GALNT17: variants seen among roughly 807,000 people sequenced by gnomAD.
GALNT17 encodes the protein polypeptide N-acetylgalactosaminyltransferase 17.
In GALNT17, 29 loss-of-function variants were observed where a neutral mutation model predicts 63.7. That is an observed-to-expected ratio of 0.46 (90% CI 0.34 to 0.62). GALNT17 has a LOEUF of 0.62. GALNT17 is among the 20% of genes least tolerant of loss of function. The pLI is 0.01. For missense variants in GALNT17, 603 were observed against 799.6 expected, an observed-to-expected ratio of 0.75 and a Z score of 2.97; for synonymous variants, 305 against 318.3, an observed-to-expected ratio of 0.96 and a Z score of 0.45.
chr7:71,362,167 A>G (rs983211843), intron 2 of GALNT17, among the ~76,000 whole-genome samples: 1 of 152,154 alleles, frequency 6.6e-6, no homozygotes, highest in Non-Finnish European at 1.5e-5. Flanking sequence ...CATGTTGGCC[A>G]GGCTGGTCTC....
At chr7:71,181,361 A>G (rs1788732557) in intron 1 of GALNT17, among the ~76,000 whole-genome samples, 1 of 152,132 alleles carries the variant, frequency 6.6e-6, no homozygotes, top group Non-Finnish European at 1.5e-5. Flanking sequence ...AGGAACTGAG[A>G]GGAAATAGGA....
chr7:71,705,922 G>A (rs1342704116), intron 9 of GALNT17, among the ~76,000 whole-genome samples: 2 of 152,174 alleles, frequency 1.3e-5, no homozygotes, highest in African/African-American at 4.8e-5. Context: ...AGACGCTCAA[G>A]GAAGGAGCAT....
intron 9 of GALNT17, among the ~76,000 whole-genome samples, chr7:71,694,292 G>C (rs933552994): frequency 6.6e-6 from 1 of 151,974 alleles, no homozygotes; most frequent in Non-Finnish European, 1.5e-5. Flanking sequence ...ATGAGATTTG[G>C]GTGGGGACAG....
chr7:71,709,850 C>T (rs753074645), intron 9 of GALNT17, among the ~76,000 whole-genome samples: 12 of 152,206 alleles, frequency 7.9e-5, no homozygotes, highest in Non-Finnish European at 1.8e-4. Flanking sequence ...CTGCCTGCCT[C>T]AGCCTCCCAA....
chr7:71,516,931 A>G (rs1307041399), intron 5 of GALNT17, among the ~76,000 whole-genome samples: 1 of 152,186 alleles, frequency 6.6e-6, no homozygotes, highest in Admixed American at 6.5e-5. Context: ...CTCAGAGCAC[A>G]CAACACCCTC....
At chr7:71,443,778 G>A (rs1037661014) in intron 5 of GALNT17, among the ~76,000 whole-genome samples, 3 of 151,314 alleles carry the variant, frequency 2.0e-5, no homozygotes, top group Non-Finnish European at 2.9e-5. Context: ...AGGCTGGAGT[G>A]CAGTGGCATG....
chr7:71,332,579 G>T (rs1243871162), intron 1 of GALNT17, among the ~76,000 whole-genome samples: 1 of 152,100 alleles, frequency 6.6e-6, no homozygotes, highest in African/African-American at 2.4e-5. Context: ...GTATCTTGCT[G>T]GAAAATTCTC....
intron 1 of GALNT17, among the ~76,000 whole-genome samples, chr7:71,273,868 A>T (rs915530267): frequency 1.3e-5 from 2 of 152,090 alleles, no homozygotes; most frequent in Admixed American, 1.3e-4. Context: ...AGAGAGAGAG[A>T]GAGAGAGAGA....
intron 1 of GALNT17, among the ~76,000 whole-genome samples, chr7:71,223,813 A>T (rs1490217201): frequency 6.6e-6 from 1 of 152,082 alleles, no homozygotes; most frequent in East Asian, 1.9e-4. Context: ...AACATGTGGT[A>T]TTTGGATTTC....
intron 1 of GALNT17, among the ~76,000 whole-genome samples, chr7:71,171,399 G>A (rs766919957): frequency 3.0e-4 from 46 of 152,286 alleles, no homozygotes; most frequent in East Asian, 1.5e-3. Context: ...TACTGGGGAC[G>A]ATGAGGCGGG....
At chr7:71,580,587 C>A (rs1253581936) in intron 6 of GALNT17, among the ~76,000 whole-genome samples, 1 of 152,112 alleles carries the variant, frequency 6.6e-6, no homozygotes. Flanking sequence ...TGCGTACACT[C>A]AGGAAAAGCT....
intron 6 of GALNT17, among the ~76,000 whole-genome samples, chr7:71,663,272 T>C (rs914084706): frequency 8.5e-5 from 13 of 152,324 alleles, no homozygotes; most frequent in African/African-American, 2.6e-4. Flanking sequence ...AATTTTTAGA[T>C]CAATTTTGGG....
At chr7:71,242,709 G>A (rs1236414230) in intron 1 of GALNT17, among the ~76,000 whole-genome samples, 1 of 152,200 alleles carries the variant, frequency 6.6e-6, no homozygotes, top group Non-Finnish European at 1.5e-5. Flanking sequence ...GGGATAGTGG[G>A]GAGGAACTTA....
At chr7:71,464,831 C>A (rs1787509572) in intron 5 of GALNT17, among the ~76,000 whole-genome samples, 1 of 151,494 alleles carries the variant, frequency 6.6e-6, no homozygotes, top group Non-Finnish European at 1.5e-5. Flanking sequence ...TCCCCAGCAT[C>A]CTCAATACAC....
chr7:71,538,367 C>T (rs1453152255), intron 5 of GALNT17, among the ~76,000 whole-genome samples: 2 of 152,072 alleles, frequency 1.3e-5, no homozygotes, highest in African/African-American at 4.8e-5. Flanking sequence ...CATAAACCAG[C>T]GGCACGTGGA....
chr7:71,711,017 C>A, intron 10 of GALNT17, 89 bp downstream of exon 10: 1 of 1,495,218 alleles, frequency 6.7e-7, no homozygotes, highest in South Asian at 1.3e-5. Flanking sequence ...CAGGGGTCCC[C>A]AGCAAAGAGC....
At chr7:71,509,986 T>C (rs1788328950) in intron 5 of GALNT17, among the ~76,000 whole-genome samples, 1 of 152,184 alleles carries the variant, frequency 6.6e-6, no homozygotes, top group Non-Finnish European at 1.5e-5. Flanking sequence ...TGTCTCTCAT[T>C]CAACCTGGAG....
At chr7:71,142,947 A>G (rs533201279) in intron 1 of GALNT17, among the ~76,000 whole-genome samples, 1 of 151,958 alleles carries the variant, frequency 6.6e-6, no homozygotes, top group Non-Finnish European at 1.5e-5. Flanking sequence ...GTCTCAAAAA[A>G]AAAAAAAAAA....
chr7:71,572,847 A>G (rs971839521), intron 6 of GALNT17, among the ~76,000 whole-genome samples: 2 of 152,038 alleles, frequency 1.3e-5, no homozygotes, highest in African/African-American at 4.8e-5. Flanking sequence ...CTTAGCAGGC[A>G]AGACTGTGTG....
Sources: allele counts gnomAD v4.1 joint callset (sites outside exome capture counted in the v4.1 genomes callset), GRCh38; gene constraint gnomAD v4.1.1; transcripts MANE v1.5; gene names NCBI Gene and HGNC (gene_info 2026-07-23, HGNC 2026-07-21).